RYR1: variants seen among roughly 807,000 people sequenced by gnomAD.
RYR1 encodes ryanodine receptor 1.
A neutral mutation model predicts 583.5 loss-of-function variants in RYR1; 342 were observed. The observed-to-expected ratio is 0.59, with a 90% CI of 0.54 to 0.64. The LOEUF is 0.64. Among genes scored for constraint, RYR1 ranks in the 30% least tolerant of loss-of-function variants. The probability of loss-of-function intolerance (pLI) is 0.00; values close to 1 mark genes in which losing one functional copy is unlikely to be tolerated. For synonymous variants in RYR1, 2,791 were observed against 2,822.5 expected (o/e 0.99, Z 0.35); for missense variants, 6,032 against 6,917.2 (o/e 0.87, Z 4.54).
At chr19:38,485,306 C>T (rs1186165928) in intron 33 of RYR1, among the ~76,000 whole-genome samples, 1 of 152,128 alleles carries the variant, frequency 6.6e-6, no homozygotes, top group Non-Finnish European at 1.5e-5. Flanking sequence ...CTCCTAGACC[C>T]AGCTCCACTG....
Position 38,469,473 on chromosome 19 carries a change from C to A in RYR1, c.3725C>A (p.Pro1242His), listed in dbSNP as rs768613323. ...PVTTWFSKGL[P>H]QFEPVPLEHP... ...ACCACCTGGTTCAGCAAAGGCCTGC[C>A]CCAGTTTGAGCCAGTGCCCCTTGAA... Residue 1242 changes from proline to histidine, a missense_variant, in exon 27 of 106, where the codon CCC becomes CAC. Coordinates refer to ENST00000359596, the MANE Select transcript of RYR1 (RefSeq NM_000540.3). 1 of 1,614,132 alleles carries A rather than the reference C, an allele frequency of 6.2e-7. No individual in the cohort carries two copies.
intron 47 of RYR1, among the ~76,000 whole-genome samples, chr19:38,501,303 G>C (rs985181567): frequency 6.6e-6 from 1 of 152,084 alleles, no homozygotes; most frequent in African/African-American, 2.4e-5. Flanking sequence ...TTCGAGACCA[G>C]CCTGACCAAC....
rs778100574 is a variant in RYR1, at chr19:38,455,446, C to G, written c.1577-5C>G. The G allele has an allele frequency of 6.8e-6, 11 of 1,614,204 alleles. No individual in the cohort carries two copies. The highest frequency in any genetic ancestry group is 7.6e-6 in the Non-Finnish European group (9 of 1,180,030). On this transcript the variant is annotated splice_region_variant and splice_polypyrimidine_tract_variant and intron_variant, in intron 14 of 105. Coordinates refer to ENST00000359596, the MANE Select transcript of RYR1 (RefSeq NM_000540.3). ...TATTGGATCTGACACCTCTTCCCCC[C>G]TCAGCTTCTCTAATCCGTGGCAATC...
rs766297114 is a variant in RYR1, at chr19:38,494,636, G to A, written c.6548+11G>A. On this transcript the variant is annotated intron_variant, in intron 39 of 105. Coordinates refer to ENST00000359596, the MANE Select transcript of RYR1 (RefSeq NM_000540.3). ...GATCCAGAGCATCGGGTGAGACACCGCCCTTCCCCCTTACTTTGCATATCC... is the reference window on the plus strand; with the variant it reads ...GATCCAGAGCATCGGGTGAGACACCACCCTTCCCCCTTACTTTGCATATCC... The A allele has an allele frequency of 9.9e-6, 16 of 1,613,766 alleles. No homozygotes were observed. Among genetic ancestry groups the A allele is most frequent in the South Asian group, 2.2e-5 (2 of 91,082 alleles).
chr19:38,526,888 A>G, intron 71 of RYR1, 105 bp from the exon 72 acceptor site: 1 of 1,292,320 alleles, frequency 7.7e-7, no homozygotes, highest in Non-Finnish European at 1.1e-6. Flanking sequence ...CCACCCCAGA[A>G]AAACCTCTTC....
chr19:38,504,996 C>T lies in RYR1; in HGVS notation c.8232-7C>T, dbSNP rs1970376045. ...TCCAACATCTGCTGACCCTGTGCCC[C>T]CAACAGTGTGATCATCCCGGAGAAG... On this transcript the variant is annotated splice_region_variant and splice_polypyrimidine_tract_variant and intron_variant, in intron 51 of 105. Coordinates refer to ENST00000359596, the MANE Select transcript of RYR1 (RefSeq NM_000540.3). 6.2e-7 allele frequency: 1 copy of T among 1,614,010 alleles called. No individual in the cohort carries two copies. The highest frequency in any genetic ancestry group is 1.1e-5 in the South Asian group (1 of 91,086).
rs2288888 is a variant in RYR1 at position 38,455,542 on chromosome 19, G to C, written c.1668G>C (p.Ser556=). ...GCAAGCTGGATCGGCTGGAGGCCTCGTCTGGTAGGAGAACCCGGGGGAGTG... is the reference window on the plus strand; with the variant it reads ...GCAAGCTGGATCGGCTGGAGGCCTCCTCTGGTAGGAGAACCCGGGGGAGTG... ...LVSKLDRLEA[S]SGILEVLYCV... The change falls in exon 15 of 106, where the codon TCG becomes TCC. Residue 556 remains serine, a synonymous_variant. Coordinates refer to ENST00000359596, the MANE Select transcript of RYR1 (RefSeq NM_000540.3). The C allele has an allele frequency of 6.2e-7, 1 of 1,613,712 alleles. No homozygotes were observed. The highest frequency in any genetic ancestry group is 8.5e-7 in the Non-Finnish European group (1 of 1,179,882).
In RYR1 at chr19:38,566,957, C is replaced by A. The variant is rs138929547; in HGVS notation, c.13484C>A (p.Pro4495Gln). 5.0e-6 allele frequency: 8 copies of A among 1,605,310 alleles called. No individual in the cohort carries two copies. Among genetic ancestry groups the A allele is most frequent in the African/African-American group, 2.7e-5 (2 of 74,924 alleles). ...CTCCCGCCAGAGCCAGAGCCCGAGC[C>A]GGAACCAGAGCTGGAGCCGGAGAAA... ...EELPPEPEPE[P>Q]EPELEPEKAD... The change falls in exon 92 of 106, where the codon CCG (proline) becomes CAG (glutamine). Residue 4495 changes from proline (P) to glutamine (Q), a missense_variant. Pro to Gln is a moderately conservative substitution (Grantham distance 76). Coordinates refer to ENST00000359596, the MANE Select transcript of RYR1 (RefSeq NM_000540.3).
At chr19:38,520,693 CAAAAAAAAAA>C (rs71165555) in intron 67 of RYR1, among the ~76,000 whole-genome samples, 3 of 46,902 alleles carry the variant, frequency 6.4e-5, no homozygotes, top group African/African-American at 1.6e-4. Context: ...GGCTCCACCT[CAAAAAAAAAA>C]AAAAAAAAAA....
intron 74 of RYR1, 60 bp from the exon 75 acceptor site, chr19:38,528,539 G>T (rs1245451981): frequency 6.2e-7 from 1 of 1,601,462 alleles, no homozygotes; most frequent in Non-Finnish European, 8.6e-7. Context: ...GCAGGCGCAT[G>T]GGAGGTCGGG....
At chr19:38,452,270 C>T (rs1253358473) in intron 12 of RYR1, among the ~76,000 whole-genome samples, 2 of 151,690 alleles carry the variant, frequency 1.3e-5, no homozygotes, top group Non-Finnish European at 2.9e-5. Flanking sequence ...AACCCTGTCT[C>T]TATAAAAAAA....
At chr19:38,484,101 C>CAGGT (rs1382054056) in intron 33 of RYR1, among the ~76,000 whole-genome samples, 3 of 151,856 alleles carry the variant, frequency 2.0e-5, no homozygotes, top group Non-Finnish European at 4.4e-5. Flanking sequence ...CTGAGGCAGG[C>CAGGT]AGGTCACCTG....
chr19:38,573,342 G>A (rs1368409777), intron 96 of RYR1, 35 bp downstream of exon 96: 2 of 1,608,418 alleles, frequency 1.2e-6, no homozygotes, highest in South Asian at 2.2e-5. Context: ...GGTGGCAGCA[G>A]GAGGGGACCT....
At chr19:38,552,258 C>CTT (rs950863189) in intron 89 of RYR1, among the ~76,000 whole-genome samples, 24 of 142,312 alleles carry the variant, frequency 1.7e-4, no homozygotes, top group African/African-American at 5.7e-4. Flanking sequence ...AGCAGGACTG[C>CTT]TTTTTTTTTT....
chr19:38,462,003 C>T (rs954499573), intron 20 of RYR1, among the ~76,000 whole-genome samples: 3 of 147,280 alleles, frequency 2.0e-5, no homozygotes, highest in Non-Finnish European at 4.5e-5. Flanking sequence ...TGCAGTGAGC[C>T]GAGATCGCAC....
At chr19:38,502,785 G>GCAGGGA in intron 48 of RYR1, 58 bp downstream of exon 48, 1 of 880,052 alleles carries the variant, frequency 1.1e-6, no homozygotes, top group Non-Finnish European at 1.6e-6. Context: ...AGGGGCAGGG[G>GCAGGGA]CAGGGGCAGG....
chr19:38,529,300 G>A (rs1053397944), intron 76 of RYR1, among the ~76,000 whole-genome samples: 5 of 152,172 alleles, frequency 3.3e-5, no homozygotes, highest in African/African-American at 1.2e-4. Context: ...GGCCAATATG[G>A]CAAAACCCCG....
At chr19:38,501,697 G>A (rs573654703) in intron 47 of RYR1, among the ~76,000 whole-genome samples, 1 of 152,208 alleles carries the variant, frequency 6.6e-6, no homozygotes, top group East Asian at 1.9e-4. Flanking sequence ...GGGGGTTTAA[G>A]AGAGCCTGGG....
At chr19:38,490,487 C>A (rs1280296982) in intron 36 of RYR1, 134 bp from the exon 37 acceptor site, 1 of 803,358 alleles carries the variant, frequency 1.2e-6, no homozygotes, top group Non-Finnish European at 2.1e-6. Context: ...CCTAGTCTCC[C>A]AAATAGTCTT....
Sources: gnomAD v4.1 joint callset for allele counts (sites outside exome capture counted in the v4.1 genomes callset) on GRCh38, gnomAD v4.1.1 for gene constraint, MANE v1.5 for transcripts, NCBI Gene and HGNC (gene_info 2026-07-23, HGNC 2026-07-21) for gene names.